Variants in MTSS1 observed in about 807,000 individuals in gnomAD.
MTSS1 encodes the protein MTSS I-BAR domain containing 1.
A neutral mutation model predicts 79.0 loss-of-function variants in MTSS1; 18 were observed. That is an observed-to-expected ratio of 0.23 (90% CI 0.16 to 0.34). The LOEUF (loss-of-function observed/expected upper bound fraction) is 0.34. Among genes scored for constraint, MTSS1 ranks in the 10% least tolerant of loss-of-function variants. MTSS1 has a pLI of 1.00. For missense variants in MTSS1, 815 were observed against 986.2 expected, an observed-to-expected ratio of 0.83 and a Z score of 2.33; for synonymous variants, 341 against 368.6, an observed-to-expected ratio of 0.93 and a Z score of 0.86.
intron 1 of MTSS1, 125 bp from the exon 2 acceptor site, chr8:124,704,316 G>T: frequency 1.2e-6 from 1 of 839,108 alleles, no homozygotes; most frequent in Non-Finnish European, 2.0e-6. Flanking sequence ...TTGCAGGTCT[G>T]CAATACGTTT....
At chr8:124,567,975 T>C in intron 7 of MTSS1, 1 of 1,350,352 alleles carries the variant, frequency 7.4e-7, no homozygotes, top group Non-Finnish European at 9.5e-7. Flanking sequence ...GCTACAACAG[T>C]GAGTCTCAAA....
At chr8:124,694,677 AT>A in intron 3 of MTSS1, among the ~76,000 whole-genome samples, 1 of 151,836 alleles carries the variant, frequency 6.6e-6, no homozygotes, top group Non-Finnish European at 1.5e-5. Context: ...TCCTTTTCTT[AT>A]TTTTTTAAGT....
In MTSS1 at chr8:124,553,447, C is replaced by G; in HGVS notation, c.1813G>C (p.Gly605Arg). The stretch of plus-strand genomic sequence containing the variant: ...GTCTTGATGGGGATGGGACCAGCTC[C>G]AATGGTTCCCCGGCGGACAGAAGGC... ...TKPSVRRGTI[G>R]AGPIPIKTPV... The change falls in exon 14 of 14, where the codon GGA becomes CGA. Residue 605 changes from glycine (G) to arginine (R), a missense_variant. By Grantham distance (125) the Gly-to-Arg change is moderately radical (BLOSUM62 -2). Coordinates refer to ENST00000518547, the MANE Select transcript of MTSS1 (RefSeq NM_014751.6). The surrounding 1 kb of genome is among the most constrained non-coding windows in gnomAD (Gnocchi z 6.0). The G allele has an allele frequency of 6.2e-7, 1 of 1,608,326 alleles. No individual in the cohort carries two copies. The highest frequency in any genetic ancestry group is 8.5e-7 in the Non-Finnish European group (1 of 1,176,176).
intron 6 of MTSS1, among the ~76,000 whole-genome samples, chr8:124,569,368 A>G (rs1394884055): frequency 2.6e-5 from 4 of 152,196 alleles, no homozygotes; most frequent in Non-Finnish European, 5.9e-5. Flanking sequence ...TTTATTTACC[A>G]TATTGCCTGT....
intron 3 of MTSS1, among the ~76,000 whole-genome samples, chr8:124,678,999 G>T (rs1194428354): frequency 6.6e-6 from 1 of 152,230 alleles, no homozygotes; most frequent in Admixed American, 6.5e-5. Flanking sequence ...TCTGGAGCAT[G>T]AATTCAGGAG....
chr8:124,552,897 A>G lies in MTSS1; in HGVS notation c.*95T>C. The G allele has an allele frequency of 7.5e-7, 1 of 1,331,678 alleles. No individual in the cohort carries two copies. Among genetic ancestry groups the G allele is most frequent in the East Asian group, 2.3e-5 (1 of 42,682 alleles). 82.5% of individuals were successfully genotyped at this position (1,331,678 alleles called of 1,614,324 possible). On this transcript the variant is annotated 3_prime_UTR_variant, in exon 14 of 14. Transcript: ENST00000518547. ...AGAGCTATATTCCGAGTTGCCTACAAAATCTTTTGTTTTATTATAGAGTGG... is the reference window on the plus strand; with the variant it reads ...AGAGCTATATTCCGAGTTGCCTACAGAATCTTTTGTTTTATTATAGAGTGG...
At chr8:124,708,683 T>C (rs916607821) in intron 1 of MTSS1, among the ~76,000 whole-genome samples, 2 of 152,102 alleles carry the variant, frequency 1.3e-5, no homozygotes, top group African/African-American at 4.8e-5. Flanking sequence ...TTTCAGTCTT[T>C]ACCAAATTAG....
rs116045538 is a variant in MTSS1, at chr8:124,626,803, A to G, written c.209-35568T>C. 4.0e-3 allele frequency among the ~76,000 whole-genome samples: 609 copies of G among 152,256 alleles called. 1 individual carries two copies. Among genetic ancestry groups the G allele is most frequent in the African/African-American group, 0.014 (564 of 41,548 alleles). ...GGTTTCTTCCTAGGGGCATCACACCAGCCTCTACTGCAACAGACAAAAGGA... is the reference window on the plus strand; with the variant it reads ...GGTTTCTTCCTAGGGGCATCACACCGGCCTCTACTGCAACAGACAAAAGGA... On this transcript the variant is annotated intron_variant, in intron 3 of 13. Transcript: ENST00000518547.
chr8:124,603,498 C>G (rs1834281517), intron 3 of MTSS1, among the ~76,000 whole-genome samples: 1 of 152,250 alleles, frequency 6.6e-6, no homozygotes, highest in Non-Finnish European at 1.5e-5. Flanking sequence ...AGGTCAAAGT[C>G]AGCACTCAGG....
At chr8:124,603,848 G>A (rs1834340031) in intron 3 of MTSS1, among the ~76,000 whole-genome samples, 1 of 152,122 alleles carries the variant, frequency 6.6e-6, no homozygotes, top group Non-Finnish European at 1.5e-5. Context: ...TTTTGCCTGT[G>A]CCATTTACAA....
intron 3 of MTSS1, among the ~76,000 whole-genome samples, chr8:124,613,062 T>C (rs1341174337): frequency 6.6e-6 from 1 of 152,152 alleles, no homozygotes; most frequent in Non-Finnish European, 1.5e-5. Context: ...ATACCTAGGC[T>C]GTCTCTCAAT....
intron 3 of MTSS1, among the ~76,000 whole-genome samples, chr8:124,606,919 A>G (rs1263311310): frequency 6.6e-6 from 1 of 152,054 alleles, no homozygotes; most frequent in Non-Finnish European, 1.5e-5. Context: ...AGGACAATCT[A>G]TCCTGAAATC....
At chr8:124,714,291 G>A (rs1436366909) in intron 1 of MTSS1, among the ~76,000 whole-genome samples, 1 of 152,162 alleles carries the variant, frequency 6.6e-6, no homozygotes, top group African/African-American at 2.4e-5. Context: ...AGGGCAGCTG[G>A]TAGAACAGGC....
At chr8:124,637,421 A>G (rs1817213182) in intron 3 of MTSS1, among the ~76,000 whole-genome samples, 1 of 152,190 alleles carries the variant, frequency 6.6e-6, no homozygotes, top group Non-Finnish European at 1.5e-5. Flanking sequence ...CCTGAGCAGC[A>G]TGGGGTGGGG....
At chr8:124,719,573 T>C (rs1248131989) in intron 1 of MTSS1, among the ~76,000 whole-genome samples, 1 of 152,162 alleles carries the variant, frequency 6.6e-6, no homozygotes, top group Non-Finnish European at 1.5e-5. Context: ...CCACAGGTGT[T>C]CCTCCACCCC....
At chr8:124,643,375 G>A (rs1401769012) in intron 3 of MTSS1, among the ~76,000 whole-genome samples, 1 of 152,008 alleles carries the variant, frequency 6.6e-6, no homozygotes, top group African/African-American at 2.4e-5. Context: ...CTGCAGCCAC[G>A]GAAAAATGAT....
intron 3 of MTSS1, among the ~76,000 whole-genome samples, chr8:124,656,781 C>CAAAAAA (rs59332225): frequency 3.9e-4 from 20 of 51,512 alleles, no homozygotes; most frequent in African/African-American, 9.1e-4. Flanking sequence ...GACTCCATCT[C>CAAAAAA]AAAAAAAAAA....
intron 3 of MTSS1, among the ~76,000 whole-genome samples, chr8:124,625,239 G>C (rs1007631859): frequency 6.6e-6 from 1 of 152,150 alleles, no homozygotes; most frequent in Admixed American, 6.5e-5. Context: ...CTGAGCCTTG[G>C]TGGGCTCATC....
In MTSS1 at chr8:124,591,194, T is replaced by G. The variant is rs146762165; in HGVS notation, c.250A>C (p.Met84Leu). The G allele has an allele frequency of 4.3e-6, 7 of 1,614,234 alleles. No individual in the cohort carries two copies. The highest frequency in any genetic ancestry group is 5.9e-6 in the Non-Finnish European group (7 of 1,180,040). ...TTGGCTTCAATGCTTCTGTGCCTCATGCACATCCTGGTGAGAGCAGATCCA... is the reference window on the plus strand; with the variant it reads ...TTGGCTTCAATGCTTCTGTGCCTCAGGCACATCCTGGTGAGAGCAGATCCA... Reference protein sequence around the residue: ...EIGSALTRMCMRHRSIEAKLR... With the variant: ...EIGSALTRMCLRHRSIEAKLR... The change falls in exon 4 of 14, where the codon ATG becomes CTG. Residue 84 changes from methionine (M) to leucine (L), a missense_variant. Physicochemically the swap from Met to Leu is conservative, Grantham distance 15. Around this residue, in one of 2 missense-constraint regions of MTSS1, gnomAD observed 225 missense variants for 365.4 expected, o/e 0.62. Coordinates refer to ENST00000518547, the MANE Select transcript of MTSS1 (RefSeq NM_014751.6).
Sources: gnomAD v4.1 joint callset for allele counts (sites outside exome capture counted in the v4.1 genomes callset) on GRCh38, gnomAD v4.1.1 for gene constraint, gnomAD v4.1.1 regional missense constraint, Gnocchi (gnomAD v3.1) non-coding constraint, MANE v1.5 for transcripts, NCBI Gene and HGNC (gene_info 2026-07-23, HGNC 2026-07-21) for gene names.